The following PDE9A variants were observed in gnomAD, a reference collection of about 807,000 sequenced individuals.
PDE9A encodes high affinity cGMP-specific 3',5'-cyclic phosphodiesterase 9A.
PDE9A carries 60 observed loss-of-function variants against 87.4 expected under a neutral mutation model. The ratio of observed to expected loss-of-function variants is 0.69; its 90% confidence interval spans 0.56 to 0.85. The LOEUF (loss-of-function observed/expected upper bound fraction) is 0.85, where lower values mean the gene tolerates loss of function less well. Among genes scored for constraint, PDE9A ranks in the 40% least tolerant of loss-of-function variants. The pLI is 0.00. For synonymous variants in PDE9A, 272 were observed against 279.4 expected, an observed-to-expected ratio of 0.97 and a Z score of 0.27; for missense variants, 665 against 779.0, an observed-to-expected ratio of 0.85 and a Z score of 1.74.
At chr21:42,662,815 GCACACACA>G (rs201142557) in intron 1 of PDE9A, among the ~76,000 whole-genome samples, 1 of 94,534 alleles carries the variant, frequency 1.1e-5, no homozygotes, top group East Asian at 3.9e-4. Context: ...CCACACACAC[GCACACACA>G]CGCACACACC....
Position 42,768,351 on chromosome 21 carries a change from G to A in PDE9A, c.1461+59G>A, listed in dbSNP as rs887016175. On this transcript the variant is annotated intron_variant, in intron 16 of 19. Transcript: ENST00000291539. ...CACTCTTATTAGCCCCACTTAGTAA[G>A]GGTTTGCGTTAAACGAGCACGCCTG... 2.2e-5 allele frequency: 27 copies of A among 1,205,264 alleles called. No individual in the cohort carries two copies. In the Admixed American group the frequency reaches 4.6e-4, roughly 21 times the overall value. 74.7% of individuals were successfully genotyped at this position (1,205,264 alleles called of 1,614,324 possible).
rs1236461904 is a variant in PDE9A at position 42,743,773 on chromosome 21, C to T, written c.569-3C>T. ...CCCTTGCTGTCTCTCTCTCTGTCAC[C>T]AGTGGAAGGACTAAAAGTGGTGGAG... On this transcript the variant is annotated splice_polypyrimidine_tract_variant and splice_region_variant and intron_variant, in intron 7 of 19. Transcript: ENST00000291539. The T allele has an allele frequency of 3.2e-6, 5 of 1,572,356 alleles. No individual in the cohort carries two copies. The highest frequency in any genetic ancestry group is 4.3e-6 in the Non-Finnish European group (5 of 1,152,338).
rs2147096544 is a variant in PDE9A at position 42,760,403 on chromosome 21, T to A, written c.973T>A (p.Tyr325Asn). 6.2e-7 allele frequency: 1 copy of A among 1,605,610 alleles called. No homozygotes were observed. The highest frequency in any genetic ancestry group is 2.2e-5 in the East Asian group (1 of 44,802). The change falls in exon 12 of 20, where the codon TAC (tyrosine) becomes AAC (asparagine). Residue 325 changes from tyrosine to asparagine, a missense_variant. By Grantham distance (143) the Tyr-to-Asn change is moderately radical (BLOSUM62 -2). Coordinates refer to ENST00000291539, the MANE Select transcript of PDE9A (RefSeq NM_002606.3). The surrounding 1 kb of genome is among the most constrained non-coding windows in gnomAD (Gnocchi z 5.2). ...CTGCTTCTGCGTGGCCCAGATGATGTACAGCATGGTCTGGCTCTGCAGTCT... is the reference window on the plus strand; with the variant it reads ...CTGCTTCTGCGTGGCCCAGATGATGAACAGCATGGTCTGGCTCTGCAGTCT... Reference protein sequence around the residue: ...RHCFCVAQMMYSMVWLCSLQE... With the variant: ...RHCFCVAQMMNSMVWLCSLQE...
chr21:42,757,442 C>G (rs1271329471), intron 10 of PDE9A: 1 of 152,270 alleles, frequency 6.6e-6, no homozygotes, highest in Non-Finnish European at 1.5e-5. Context: ...TTCCAGGTTT[C>G]ACACACAGCG....
chr21:42,752,417 C>T (rs2146999116), intron 9 of PDE9A, among the ~76,000 whole-genome samples: 1 of 152,176 alleles, frequency 6.6e-6, no homozygotes, highest in South Asian at 2.1e-4. Context: ...TACAGGCACC[C>T]ACCGCCATGC....
chr21:42,765,055 G>GTGGA (rs1165051209), intron 14 of PDE9A, among the ~76,000 whole-genome samples: 1 of 149,886 alleles, frequency 6.7e-6, no homozygotes, highest in Non-Finnish European at 1.5e-5. Context: ...GGATGGAAGG[G>GTGGA]TGGATGGATG....
In PDE9A at chr21:42,702,484, G is replaced by T. The variant is rs535870519; in HGVS notation, c.262+3473G>T. Among the ~76,000 whole-genome samples, 1 of 152,018 alleles carries T rather than the reference G, an allele frequency of 6.6e-6. No homozygotes were observed. Among genetic ancestry groups the T allele is most frequent in the Non-Finnish European group, 1.5e-5 (1 of 68,020 alleles). ...CTCTGTTGATTGATTTATCTCCTGG[G>T]TATGGGTCATATTTTTCTGATTCTC... is the stretch of plus-strand genomic sequence containing the variant. On this transcript the variant is annotated intron_variant, in intron 4 of 19. Transcript: ENST00000291539. The surrounding 1 kb of genome is among the most constrained non-coding windows in gnomAD (Gnocchi z 4.9).
chr21:42,774,582 T>G (rs1403871213), intron 19 of PDE9A, among the ~76,000 whole-genome samples: 1 of 152,110 alleles, frequency 6.6e-6, no homozygotes, highest in Non-Finnish European at 1.5e-5. Flanking sequence ...CTCTTTCTTT[T>G]AAAATGGTCT....
chr21:42,751,213 G>T lies in PDE9A; in HGVS notation c.735+16G>T. The T allele has an allele frequency of 6.3e-7, 1 of 1,579,358 alleles. No homozygotes were observed. The highest frequency in any genetic ancestry group is 8.7e-7 in the Non-Finnish European group (1 of 1,148,478). ...TTACCCCAAGGTAAGATGAGATTCC[G>T]GCCCAGAAGAAGCTGCAGCTGTGTC... is the stretch of plus-strand genomic sequence containing the variant. On this transcript the variant is annotated intron_variant, in intron 9 of 19. Coordinates refer to ENST00000291539, the MANE Select transcript of PDE9A (RefSeq NM_002606.3).
chr21:42,674,672 C>G (rs2146020451), intron 1 of PDE9A, among the ~76,000 whole-genome samples: 1 of 152,316 alleles, frequency 6.6e-6, no homozygotes, highest in Admixed American at 6.5e-5. Context: ...CTCCCACTGC[C>G]CCATTTCCTC....
intron 8 of PDE9A, among the ~76,000 whole-genome samples, chr21:42,748,069 G>A (rs530747954): frequency 1.2e-4 from 18 of 152,314 alleles, no homozygotes; most frequent in South Asian, 6.2e-4. Context: ...AGGAAACAGC[G>A]GGATTCGAAC....
chr21:42,769,296 C>T (rs13048617), intron 17 of PDE9A, 141 bp downstream of exon 17: 32,523 of 744,004 alleles, frequency 0.044, 937 homozygotes, highest in Middle Eastern at 0.09. Flanking sequence ...TACACACAGA[C>T]GCACATACAG....
At chr21:42,721,737 C>A (rs954200156) in intron 4 of PDE9A, among the ~76,000 whole-genome samples, 1 of 152,000 alleles carries the variant, frequency 6.6e-6, no homozygotes, top group African/African-American at 2.4e-5. Context: ...CAGTGCCACC[C>A]CACCCCTCGC....
intron 1 of PDE9A, among the ~76,000 whole-genome samples, chr21:42,667,059 C>A (rs999419166): frequency 3.3e-5 from 5 of 152,100 alleles, no homozygotes; most frequent in Non-Finnish European, 5.9e-5. Flanking sequence ...GTCCCAACTG[C>A]CCATTCACTC....
At chr21:42,746,882 A>C (rs2053912967) in intron 8 of PDE9A, among the ~76,000 whole-genome samples, 4 of 152,132 alleles carry the variant, frequency 2.6e-5, no homozygotes, top group Admixed American at 6.5e-5. Context: ...AACCAAAGAC[A>C]AGGAGACTTC....
chr21:42,674,462 A>G (rs1490860274), intron 1 of PDE9A, among the ~76,000 whole-genome samples: 1 of 151,500 alleles, frequency 6.6e-6, no homozygotes, highest in Non-Finnish European at 1.5e-5. Context: ...ACTCCGTGTG[A>G]CTCTCAGGAT....
chr21:42,672,227 C>A (rs769582076), intron 1 of PDE9A, among the ~76,000 whole-genome samples: 6 of 152,244 alleles, frequency 3.9e-5, no homozygotes, highest in Non-Finnish European at 8.8e-5. Flanking sequence ...TTCGTTCAGA[C>A]CACAGCTGAA....
chr21:42,760,848 C>A lies in PDE9A; in HGVS notation c.1026C>A (p.Ile342=), dbSNP rs947190961. 1 of 1,606,876 alleles carries A rather than the reference C, an allele frequency of 6.2e-7. No individual in the cohort carries two copies. Among genetic ancestry groups the A allele is most frequent in the Non-Finnish European group, 8.5e-7 (1 of 1,174,842 alleles). Residue 342 remains isoleucine (I), a synonymous_variant, in exon 13 of 20, where the codon ATC becomes ATA. Transcript: ENST00000291539. The surrounding 1 kb of genome is among the most constrained non-coding windows in gnomAD (Gnocchi z 5.2). ...AGGAGAAGTTCTCACAAACGGATAT[C>A]CTGATCCTAATGACAGCGGCCATCT... ...SLQEKFSQTD[I]LILMTAAICH...
chr21:42,699,877 T>C (rs2048250066), intron 4 of PDE9A, among the ~76,000 whole-genome samples: 1 of 152,234 alleles, frequency 6.6e-6, no homozygotes, highest in African/African-American at 2.4e-5. Flanking sequence ...CTTTTCCATT[T>C]GATTTTTATC....
Sources: gnomAD v4.1 joint callset for allele counts (sites outside exome capture counted in the v4.1 genomes callset) on GRCh38, gnomAD v4.1.1 for gene constraint, Gnocchi (gnomAD v3.1) non-coding constraint, MANE v1.5 for transcripts, NCBI Gene and HGNC (gene_info 2026-07-23, HGNC 2026-07-21) for gene names.